Variants in EXOC4 observed in about 807,000 individuals in gnomAD.
EXOC4 encodes exocyst complex component 4.
Under a neutral mutation model 107.2 loss-of-function variants are expected in EXOC4, and 71 were observed. The observed-to-expected ratio is 0.66, with a 90% CI of 0.55 to 0.81. EXOC4 has a LOEUF of 0.81. Among genes scored for constraint, EXOC4 ranks in the 30% least tolerant of loss-of-function variants. The pLI is 0.00. For synonymous variants in EXOC4, 456 were observed against 441.2 expected (o/e 1.03, Z -0.42); for missense variants, 1,108 against 1,189.6 (o/e 0.93, Z 1.01).
chr7:133,632,041 T>C (rs1802604486), intron 10 of EXOC4, among the ~76,000 whole-genome samples: 2 of 152,246 alleles, frequency 1.3e-5, no homozygotes, highest in South Asian at 4.1e-4. Flanking sequence ...TCTTTTTAAA[T>C]GTGAAGTTAG....
chr7:133,416,925 G>A (rs1797489549), intron 7 of EXOC4, among the ~76,000 whole-genome samples: 1 of 152,114 alleles, frequency 6.6e-6, no homozygotes, highest in Non-Finnish European at 1.5e-5. Context: ...GGATATTACA[G>A]GGAAGGAACA....
intron 9 of EXOC4, among the ~76,000 whole-genome samples, chr7:133,548,132 A>G (rs1342431340): frequency 6.6e-6 from 1 of 152,104 alleles, no homozygotes; most frequent in East Asian, 1.9e-4. Context: ...TTTTATGTCA[A>G]CAGTGTTGAC....
Position 133,447,034 on chromosome 7 carries a change from G to T in EXOC4, c.1183-28294G>T, listed in dbSNP as rs980634063. ...TGAAGACTCAGGAACATTTTGGTTG[G>T]TTTTTAACCATAAGTGAAATAATAA... On this transcript the variant is annotated intron_variant, in intron 7 of 17. Transcript: ENST00000253861. Among the ~76,000 whole-genome samples, 4 of 152,252 alleles carry T rather than the reference G, an allele frequency of 2.6e-5. No individual in the cohort carries two copies. In the East Asian group the frequency reaches 7.7e-4, roughly 29 times the overall value.
intron 14 of EXOC4, among the ~76,000 whole-genome samples, 154 bp downstream of exon 14, chr7:133,938,223 T>C (rs1404378799): frequency 6.6e-6 from 1 of 152,126 alleles, no homozygotes; most frequent in African/African-American, 2.4e-5. Context: ...TTGCACCTCT[T>C]GTACTTTGTG....
chr7:133,876,223 TGTGTG>T lies in EXOC4; in HGVS notation c.1735-19375_1735-19371del, dbSNP rs1798846218. Reference sequence around the variant, plus strand: ...TAGGCTAAGGAAAAGAATGAAGAGGTGTGTGTGTGTGTGTGTGTGTGTGTGTGTGT... The same window carrying T: ...TAGGCTAAGGAAAAGAATGAAGAGGTTGTGTGTGTGTGTGTGTGTGTGTGT... On this transcript the variant is annotated intron_variant, in intron 11 of 17. Coordinates refer to ENST00000253861, the MANE Select transcript of EXOC4 (RefSeq NM_021807.4). Among the ~76,000 whole-genome samples, 23 of 37,474 alleles carry T rather than the reference TGTGTG, an allele frequency of 6.1e-4. No individual in the cohort carries two copies. The South Asian group carries it at 0.028, about 45-fold the overall frequency. 24.6% of individuals were successfully genotyped at this position (37,474 alleles called of 152,430 possible).
intron 10 of EXOC4, among the ~76,000 whole-genome samples, chr7:133,782,213 A>G (rs1796482869): frequency 6.6e-6 from 1 of 152,214 alleles, no homozygotes; most frequent in Non-Finnish European, 1.5e-5. Context: ...ACATTAGGAA[A>G]TGTTGTATTT....
chr7:133,492,101 A>G (rs1040729498), intron 9 of EXOC4, among the ~76,000 whole-genome samples: 4 of 152,196 alleles, frequency 2.6e-5, no homozygotes, highest in Non-Finnish European at 4.4e-5. Context: ...GCATAATGAA[A>G]TGTGCATTTT....
At chr7:133,994,453 C>T (rs1251236775) in intron 14 of EXOC4, among the ~76,000 whole-genome samples, 2 of 152,028 alleles carry the variant, frequency 1.3e-5, no homozygotes, top group Non-Finnish European at 2.9e-5. Context: ...ACCACAATGG[C>T]GCCTGAATAA....
At chr7:133,275,209 C>G in intron 2 of EXOC4, 38 bp downstream of exon 2, 1 of 1,515,634 alleles carries the variant, frequency 6.6e-7, no homozygotes. Flanking sequence ...GCAGCACTTC[C>G]CATCACTATA....
chr7:133,878,158 A>G (rs1798889541), intron 11 of EXOC4, among the ~76,000 whole-genome samples: 1 of 152,214 alleles, frequency 6.6e-6, no homozygotes, highest in Non-Finnish European at 1.5e-5. Flanking sequence ...CATTATCACT[A>G]TCACAATTAG....
intron 9 of EXOC4, among the ~76,000 whole-genome samples, chr7:133,583,465 AG>A: frequency 6.6e-6 from 1 of 152,362 alleles, no homozygotes; most frequent in African/African-American, 2.4e-5. Context: ...GGAACATAGA[AG>A]GGCACTTGAG....
intron 10 of EXOC4, among the ~76,000 whole-genome samples, chr7:133,739,911 C>G (rs947503778): frequency 6.6e-6 from 1 of 152,134 alleles, no homozygotes; most frequent in East Asian, 1.9e-4. Flanking sequence ...CAGTGTATTT[C>G]CTTGCATCAT....
intron 10 of EXOC4, among the ~76,000 whole-genome samples, chr7:133,799,369 C>G (rs966337720): frequency 6.6e-6 from 1 of 152,214 alleles, no homozygotes; most frequent in Non-Finnish European, 1.5e-5. Context: ...CCTCCCTGTC[C>G]TGCATACTGT....
chr7:133,583,194 G>T (rs1308163546), intron 9 of EXOC4, among the ~76,000 whole-genome samples: 1 of 151,842 alleles, frequency 6.6e-6, no homozygotes, highest in East Asian at 1.9e-4. Context: ...ATTTCTTTGA[G>T]ATCTTGCCTA....
intron 9 of EXOC4, among the ~76,000 whole-genome samples, chr7:133,489,476 T>C (rs1455720886): frequency 1.3e-5 from 2 of 152,202 alleles, no homozygotes; most frequent in Admixed American, 1.3e-4. Context: ...ACTCCTGGTA[T>C]GTGCCAAAGC....
intron 14 of EXOC4, among the ~76,000 whole-genome samples, chr7:133,945,984 C>T (rs1210629460): frequency 6.6e-6 from 1 of 152,164 alleles, no homozygotes; most frequent in East Asian, 1.9e-4. Context: ...CGGAGTTTTC[C>T]TTGTCATAAT....
At chr7:133,379,367 T>C (rs1002192768) in intron 7 of EXOC4, among the ~76,000 whole-genome samples, 1 of 152,098 alleles carries the variant, frequency 6.6e-6, no homozygotes, top group Non-Finnish European at 1.5e-5. Flanking sequence ...TTGAAAAATA[T>C]GTATCTCTCC....
At chr7:133,658,685 G>T (rs1270991604) in intron 10 of EXOC4, among the ~76,000 whole-genome samples, 1 of 152,170 alleles carries the variant, frequency 6.6e-6, no homozygotes, top group African/African-American at 2.4e-5. Flanking sequence ...CGACAGGAAA[G>T]GATGTGTGGG....
At chr7:133,678,018 G>A (rs1794103354) in intron 10 of EXOC4, among the ~76,000 whole-genome samples, 1 of 152,012 alleles carries the variant, frequency 6.6e-6, no homozygotes, top group Admixed American at 6.6e-5. Flanking sequence ...TGCATTTGTT[G>A]AAATCAATAA....
Sources: gnomAD v4.1 joint callset for allele counts (sites outside exome capture counted in the v4.1 genomes callset) on GRCh38, gnomAD v4.1.1 for gene constraint, MANE v1.5 for transcripts, NCBI Gene and HGNC (gene_info 2026-07-23, HGNC 2026-07-21) for gene names.